The following NEIL2 variants were observed in gnomAD, a reference collection of about 807,000 sequenced individuals.
NEIL2 encodes the protein nei like DNA glycosylase 2, also known as endonuclease 8-like 2.
Under a neutral mutation model 22.2 loss-of-function variants are expected in NEIL2, and 23 were observed. The ratio of observed to expected loss-of-function variants is 1.04; its 90% CI spans 0.75 to 1.47. The LOEUF (loss-of-function observed/expected upper bound fraction) is 1.47. NEIL2 is among the 40% of genes most tolerant of loss of function. NEIL2 has a pLI of 0.00. For missense variants in NEIL2, 583 were observed against 404.7 expected (o/e 1.44, Z -3.78); for synonymous variants, 229 against 164.8 (o/e 1.39, Z -2.99).
chr8:11,779,712 G>A lies in NEIL2; in HGVS notation c.253G>A (p.Asp85Asn). 1 of 1,614,188 alleles carries A rather than the reference G, an allele frequency of 6.2e-7. No homozygotes were observed. The highest frequency in any genetic ancestry group is 8.5e-7 in the Non-Finnish European group (1 of 1,180,022). ...QKEVQKEGAA[D>N]PKQVGEPSGQ... ...AGAAGTGCAGAAGGAAGGGGCTGCG[G>A]ACCCAAAGCAGGTCGGGGAGCCCAG... Residue 85 changes from aspartate to asparagine, a missense_variant, in exon 3 of 5, where the codon GAC becomes AAC. Asp to Asn is a conservative substitution (Grantham distance 23, BLOSUM62 1). Transcript: ENST00000284503.
chr8:11,775,732 TC>T (rs1287894097), intron 2 of NEIL2, among the ~76,000 whole-genome samples: 2 of 152,220 alleles, frequency 1.3e-5, no homozygotes, highest in Admixed American at 6.5e-5. Context: ...AGTTCAAATT[TC>T]CATAGATCTC....
intron 2 of NEIL2, among the ~76,000 whole-genome samples, chr8:11,778,127 G>C (rs1051903901): frequency 2.6e-5 from 4 of 152,198 alleles, no homozygotes; most frequent in African/African-American, 7.2e-5. Context: ...GCCATAGTTG[G>C]TATGAGGACA....
intron 2 of NEIL2, among the ~76,000 whole-genome samples, chr8:11,773,895 T>C (rs1200352550): frequency 6.6e-6 from 1 of 152,160 alleles, no homozygotes; most frequent in Non-Finnish European, 1.5e-5. Flanking sequence ...AGGAGCAACA[T>C]TGGAAACCAA....
intron 3 of NEIL2, among the ~76,000 whole-genome samples, chr8:11,781,765 A>AC (rs1442368182): frequency 6.6e-6 from 1 of 152,190 alleles, no homozygotes; most frequent in Non-Finnish European, 1.5e-5. Flanking sequence ...TGAAATAAAT[A>AC]CTATTAGCTT....
At chr8:11,780,948 A>G (rs551024302) in intron 3 of NEIL2, among the ~76,000 whole-genome samples, 1 of 152,296 alleles carries the variant, frequency 6.6e-6, no homozygotes, top group Non-Finnish European at 1.5e-5. Flanking sequence ...ATGTGTTGCC[A>G]GTATTGTTTC....
At chr8:11,773,050 A>T (rs925976499) in intron 2 of NEIL2, among the ~76,000 whole-genome samples, 2 of 152,164 alleles carry the variant, frequency 1.3e-5, no homozygotes, top group South Asian at 2.1e-4. Context: ...ACTTAGCCCA[A>T]GCTCAGGTGG....
intron 2 of NEIL2, among the ~76,000 whole-genome samples, chr8:11,773,228 A>C (rs903739474): frequency 7.9e-5 from 12 of 152,120 alleles, no homozygotes; most frequent in South Asian, 2.1e-4. Context: ...AATATTTCCC[A>C]AGTGGATGGG....
chr8:11,775,824 C>G (rs1375536629), intron 2 of NEIL2, among the ~76,000 whole-genome samples: 3 of 152,230 alleles, frequency 2.0e-5, no homozygotes, highest in Non-Finnish European at 1.5e-5. Flanking sequence ...TTCCTCATCT[C>G]CATCTGAGAC....
At chr8:11,774,439 C>A (rs1017274726) in intron 2 of NEIL2, among the ~76,000 whole-genome samples, 1 of 152,116 alleles carries the variant, frequency 6.6e-6, no homozygotes, top group African/African-American at 2.4e-5. Flanking sequence ...AGAACAGCCC[C>A]CATGATTCAA....
chr8:11,779,353 T>A (rs804256), intron 2 of NEIL2, among the ~76,000 whole-genome samples: 1 of 152,138 alleles, frequency 6.6e-6, no homozygotes, highest in Non-Finnish European at 1.5e-5. Context: ...AGGGTGGCCT[T>A]GCCATCTTGC....
At position 11,786,072 on chromosome 8, in the gene NEIL2, G is replaced by C. The variant is rs781633089; in HGVS notation, c.798G>C (p.Glu266Asp). 4.3e-6 allele frequency: 7 copies of C among 1,614,180 alleles called. No homozygotes were observed. The South Asian group carries it at 7.7e-5, about 18-fold the overall frequency. ...AGGTCCTGGTGGATCACGTGGTGGAGTTCAGTACAGCCTGGCTGCAGGGCA... is the reference window on the plus strand; with the variant it reads ...AGGTCCTGGTGGATCACGTGGTGGACTTCAGTACAGCCTGGCTGCAGGGCA... Reference protein sequence around the residue: ...RREVLVDHVVEFSTAWLQGKF... With the variant: ...RREVLVDHVVDFSTAWLQGKF... Residue 266 changes from glutamate to aspartate, a missense_variant, in exon 5 of 5, where the codon GAG (glutamate) becomes GAC (aspartate). Transcript: ENST00000284503.
At position 11,786,391 on chromosome 8, in the gene NEIL2, A is replaced by C. The variant is rs554912827; in HGVS notation, c.*118A>C. ...GAGGATAGTGTGGGTCAGAGGTGCC[A>C]GTAGTATAATATTCGTCTCCCTGGA... On this transcript the variant is annotated 3_prime_UTR_variant, in exon 5 of 5. Transcript: ENST00000284503. The C allele has an allele frequency of 1.0e-6, 1 of 977,556 alleles. No individual in the cohort carries two copies. Among genetic ancestry groups the C allele is most frequent in the African/African-American group, 1.6e-5 (1 of 62,262 alleles). The allele number at this position is 977,556 out of a possible 1,614,324, so 60.6% of individuals were successfully genotyped here.
At chr8:11,772,926 C>G (rs1019295204) in intron 2 of NEIL2, among the ~76,000 whole-genome samples, 23 of 152,110 alleles carry the variant, frequency 1.5e-4, no homozygotes, top group Non-Finnish European at 2.4e-4. Flanking sequence ...CCCCCACCCC[C>G]GCAACACACA....
Position 11,786,362 on chromosome 8 carries a change from T to A in NEIL2, c.*89T>A, listed in dbSNP as rs1317523835. 2.3e-6 allele frequency: 3 copies of A among 1,311,062 alleles called. No homozygotes were observed. Among genetic ancestry groups the A allele is most frequent in the Non-Finnish European group, 3.2e-6 (3 of 928,410 alleles). The allele number at this position is 1,311,062 out of a possible 1,614,324, so 81.2% of individuals were successfully genotyped here. ...AAGGAGGATGTGGGCAGGGACGGGG[T>A]ACAGAGGATAGTGTGGGTCAGAGGT... On this transcript the variant is annotated 3_prime_UTR_variant, in exon 5 of 5. Transcript: ENST00000284503.
In NEIL2 at chr8:11,787,041, T is replaced by C. The variant is rs1004076223; in HGVS notation, c.*768T>C. ...ATTTTTTTTTTTTTATCTTGTTCCC[T>C]GGAGGATCCAGGGATGAGGATAGAG... On this transcript the variant is annotated 3_prime_UTR_variant, in exon 5 of 5. Transcript: ENST00000284503. 6 of 152,666 alleles carry C rather than the reference T, an allele frequency of 3.9e-5. No homozygotes were observed. The highest frequency in any genetic ancestry group is 7.3e-5 in the Non-Finnish European group (5 of 68,204). The allele number at this position is 152,666 out of a possible 1,614,324, so 9.5% of individuals were successfully genotyped here. A position where few individuals can be genotyped will look rare whatever the true frequency, so the allele number is the denominator to read the frequency against.
At chr8:11,770,894 C>G (rs1349825903) in intron 1 of NEIL2, among the ~76,000 whole-genome samples, 1 of 152,140 alleles carries the variant, frequency 6.6e-6, no homozygotes, top group Non-Finnish European at 1.5e-5. Context: ...GGCTGGGGGT[C>G]TCACTTATGA....
Position 11,785,998 on chromosome 8 carries a change from G to A in NEIL2, c.724G>A (p.Gly242Arg), listed in dbSNP as rs1422704375. The A allele has an allele frequency of 6.2e-7, 1 of 1,614,002 alleles. No individual in the cohort carries two copies. The highest frequency in any genetic ancestry group is 8.5e-7 in the Non-Finnish European group (1 of 1,180,024). Residue 242 changes from glycine to arginine, a missense_variant, in exon 5 of 5, where the codon GGG becomes AGG. By Grantham distance (125) the Gly-to-Arg change is moderately radical (BLOSUM62 -2). Coordinates refer to ENST00000284503, the MANE Select transcript of NEIL2 (RefSeq NM_145043.4). The stretch of plus-strand genomic sequence containing the variant: ...TAAGAATGAAGCCTTGTACAGAGCT[G>A]GGATCCATCCCCTTTCTCTCGGTTC... ...IIKNEALYRAGIHPLSLGSVL... is the reference protein window; with the variant it reads ...IIKNEALYRARIHPLSLGSVL...
At chr8:11,777,713 G>A (rs937140346) in intron 2 of NEIL2, among the ~76,000 whole-genome samples, 1 of 152,206 alleles carries the variant, frequency 6.6e-6, no homozygotes, top group African/African-American at 2.4e-5. Context: ...AGGGAAGATT[G>A]GAGATTGTTG....
At chr8:11,784,001 A>G (rs1355973276) in intron 4 of NEIL2, among the ~76,000 whole-genome samples, 1 of 152,248 alleles carries the variant, frequency 6.6e-6, no homozygotes, top group Non-Finnish European at 1.5e-5. Flanking sequence ...AAAAATACAT[A>G]TAACAGCTAA....
Sources: allele counts gnomAD v4.1 joint callset (sites outside exome capture counted in the v4.1 genomes callset), GRCh38; gene constraint gnomAD v4.1.1; transcripts MANE v1.5; gene names NCBI Gene and HGNC (gene_info 2026-07-23, HGNC 2026-07-21).